The following IGSF21 variants were observed in gnomAD, a reference collection of about 807,000 sequenced individuals.
IGSF21 encodes the protein immunoglobulin superfamily member 21.
IGSF21 carries 28 observed loss-of-function variants against 46.8 expected under a neutral mutation model. That is an observed-to-expected ratio of 0.60 (90% confidence interval 0.44 to 0.82). The LOEUF is 0.82. IGSF21 is among the 40% of genes least tolerant of loss of function. The pLI is 0.00. For synonymous variants in IGSF21, 284 were observed against 273.6 expected, an observed-to-expected ratio of 1.04 and a Z score of -0.38; for missense variants, 624 against 665.5, an observed-to-expected ratio of 0.94 and a Z score of 0.69.
chr1:18,273,460 CTCTCTTTCTTTCTTTCTTTCTTTCTT>C (rs2085067606), intron 2 of IGSF21, among the ~76,000 whole-genome samples: 2 of 56,412 alleles, frequency 3.5e-5, no homozygotes, highest in South Asian at 5.2e-4. Flanking sequence ...CTTTCTTTCT[CTCTCTTTCTTTCTTTCTTTCTTTCTT>C]TCTTTCTTTC....
intron 4 of IGSF21, among the ~76,000 whole-genome samples, chr1:18,341,082 C>CTT (rs1557651938): frequency 1.0e-5 from 1 of 98,680 alleles, no homozygotes. Context: ...TTCTTCTCCT[C>CTT]CTCCTCCTCC....
intron 1 of IGSF21, among the ~76,000 whole-genome samples, chr1:18,165,789 G>T (rs1334642772): frequency 6.6e-6 from 1 of 152,230 alleles, no homozygotes; most frequent in Non-Finnish European, 1.5e-5. Flanking sequence ...ACCAGTCCAA[G>T]CAAGCATTAA....
chr1:18,363,534 C>T (rs951210693), intron 5 of IGSF21, among the ~76,000 whole-genome samples: 4 of 141,094 alleles, frequency 2.8e-5, no homozygotes, highest in South Asian at 2.3e-4. Context: ...GGTGGGACAG[C>T]GGGCAAGGGC....
chr1:18,280,265 G>T (rs2085146414), intron 2 of IGSF21, among the ~76,000 whole-genome samples: 1 of 152,010 alleles, frequency 6.6e-6, no homozygotes, highest in South Asian at 2.1e-4. Flanking sequence ...TTGACTGGTG[G>T]GATCCAAAAA....
chr1:18,257,853 G>A (rs1484540453), intron 2 of IGSF21, among the ~76,000 whole-genome samples: 1 of 152,154 alleles, frequency 6.6e-6, no homozygotes, highest in Non-Finnish European at 1.5e-5. Context: ...AGAATGACAT[G>A]GGAAACTTCT....
intron 1 of IGSF21, among the ~76,000 whole-genome samples, chr1:18,214,069 G>C (rs2084418895): frequency 6.6e-6 from 1 of 152,084 alleles, no homozygotes; most frequent in African/African-American, 2.4e-5. Context: ...AATAGTATAA[G>C]CATATCATTA....
At chr1:18,286,863 C>G (rs1235777593) in intron 2 of IGSF21, among the ~76,000 whole-genome samples, 1 of 152,170 alleles carries the variant, frequency 6.6e-6, no homozygotes, top group Admixed American at 6.5e-5. Flanking sequence ...ATTCTGGAAA[C>G]AGAGCAATGG....
Position 18,335,019 on chromosome 1 carries a change from A to G in IGSF21, c.424+9A>G, listed in dbSNP as rs776356774. The G allele has an allele frequency of 1.0e-5, 16 of 1,588,458 alleles. No homozygotes were observed. The highest frequency in any genetic ancestry group is 1.4e-5 in the Non-Finnish European group (16 of 1,156,534). ...CTTCCTCAACGTCATGGGTGAGTGC[A>G]GGGCCACTGGCCCCTGGTGTCTCAG... On this transcript the variant is annotated intron_variant, in intron 4 of 9. Coordinates refer to ENST00000251296, the MANE Select transcript of IGSF21 (RefSeq NM_032880.5). The surrounding 1 kb of genome is among the most constrained non-coding windows in gnomAD (Gnocchi z 4.8).
rs376927585 is a variant in IGSF21, at chr1:18,310,105, G to C, written c.305+18118G>C. ...TTTGCTCAACACCCCGCCATCCCCA[G>C]CCTCATGAAGGCTGACAGAACCAAC... is the stretch of plus-strand genomic sequence containing the variant. On this transcript the variant is annotated intron_variant, in intron 3 of 9. Coordinates refer to ENST00000251296, the MANE Select transcript of IGSF21 (RefSeq NM_032880.5). 1.8e-4 allele frequency among the ~76,000 whole-genome samples: 28 copies of C among 152,318 alleles called. No homozygotes were observed. In the East Asian group the frequency reaches 2.5e-3, roughly 14 times the overall value.
At chr1:18,202,835 A>C (rs544402957) in intron 1 of IGSF21, among the ~76,000 whole-genome samples, 1 of 152,314 alleles carries the variant, frequency 6.6e-6, no homozygotes, top group African/African-American at 2.4e-5. Flanking sequence ...GACTACTCTT[A>C]AGCTGTGGGA....
chr1:18,128,465 C>A (rs746332354), intron 1 of IGSF21, among the ~76,000 whole-genome samples: 3 of 152,136 alleles, frequency 2.0e-5, no homozygotes, highest in Admixed American at 2.0e-4. Flanking sequence ...CTGGATGGGG[C>A]CTTCTCTGGA....
chr1:18,209,621 A>ATT lies in IGSF21; in HGVS notation c.71-18258_71-18257dup, dbSNP rs35745482. 3.6e-3 allele frequency among the ~76,000 whole-genome samples: 478 copies of ATT among 133,828 alleles called. 3 individuals are homozygous for ATT. The highest frequency in any genetic ancestry group is 0.012 in the African/African-American group (432 of 35,786). The allele number at this position is 133,828 out of a possible 152,430, so 87.8% of individuals were successfully genotyped here. ...AGGCGCCCGCCACCACACCTGGCTA[A>ATT]TTTTTTTTTTTTTTTTTTTTAGTAG... On this transcript the variant is annotated intron_variant, in intron 1 of 9. Coordinates refer to ENST00000251296, the MANE Select transcript of IGSF21 (RefSeq NM_032880.5).
At chr1:18,369,040 G>A (rs901983214) in intron 6 of IGSF21, among the ~76,000 whole-genome samples, 4 of 152,162 alleles carry the variant, frequency 2.6e-5, no homozygotes, top group African/African-American at 9.7e-5. Context: ...CTCATCATCA[G>A]AGCAAGAGAA....
chr1:18,297,525 A>G (rs1253241017), intron 3 of IGSF21, among the ~76,000 whole-genome samples: 1 of 152,126 alleles, frequency 6.6e-6, no homozygotes, highest in Non-Finnish European at 1.5e-5. Context: ...TTAAAATAAT[A>G]AGGAAAAACA....
intron 2 of IGSF21, among the ~76,000 whole-genome samples, chr1:18,254,888 ATCCC>A (rs2084876192): frequency 7.2e-6 from 1 of 139,474 alleles, no homozygotes; most frequent in South Asian, 2.4e-4. Context: ...CCATCCATCC[ATCCC>A]TCCATTCATC....
At chr1:18,280,102 G>A (rs1347607164) in intron 2 of IGSF21, among the ~76,000 whole-genome samples, 1 of 152,200 alleles carries the variant, frequency 6.6e-6, no homozygotes, top group African/African-American at 2.4e-5. Flanking sequence ...AGCCCGGGGG[G>A]TGACACGGGG....
chr1:18,287,740 G>A (rs1189925646), intron 2 of IGSF21, among the ~76,000 whole-genome samples: 1 of 152,146 alleles, frequency 6.6e-6, no homozygotes, highest in African/African-American at 2.4e-5. Flanking sequence ...ACTTTGTTTT[G>A]AAGCTGCTAC....
rs186694081 is a variant in IGSF21, at chr1:18,325,409, G to C, written c.306-9483G>C. On this transcript the variant is annotated intron_variant, in intron 3 of 9. Coordinates refer to ENST00000251296, the MANE Select transcript of IGSF21 (RefSeq NM_032880.5). Reference sequence around the variant, plus strand: ...AGGGTAAACAGATGGATGGACTGAGGGGGAGGGAGAAGGACTGAGGCCCTG... The same window carrying C: ...AGGGTAAACAGATGGATGGACTGAGCGGGAGGGAGAAGGACTGAGGCCCTG... Among the ~76,000 whole-genome samples, 21 of 152,294 alleles carry C rather than the reference G, an allele frequency of 1.4e-4. No homozygotes were observed. The South Asian group carries it at 2.5e-3, about 18-fold the overall frequency.
intron 3 of IGSF21, among the ~76,000 whole-genome samples, chr1:18,314,978 A>AT (rs1310280381): frequency 6.6e-6 from 1 of 152,126 alleles, no homozygotes; most frequent in Non-Finnish European, 1.5e-5. Flanking sequence ...TGGGAAGTTC[A>AT]TCAGAGATCA....
Sources: gnomAD v4.1 joint callset for allele counts (sites outside exome capture counted in the v4.1 genomes callset) on GRCh38, gnomAD v4.1.1 for gene constraint, Gnocchi (gnomAD v3.1) non-coding constraint, MANE v1.5 for transcripts, NCBI Gene and HGNC (gene_info 2026-07-23, HGNC 2026-07-21) for gene names.